Variants in ERC1 observed in about 807,000 individuals in gnomAD.
ERC1 encodes the protein RAB6 interacting protein 2.
Under a neutral mutation model 132.0 loss-of-function variants are expected in ERC1, and 56 were observed. The ratio of observed to expected loss-of-function variants is 0.42; its 90% confidence interval spans 0.34 to 0.53. The LOEUF (loss-of-function observed/expected upper bound fraction) is 0.53, where lower values mean the gene tolerates loss of function less well. ERC1 is among the 20% of genes least tolerant of loss of function. The probability of loss-of-function intolerance (pLI) is 0.03; values close to 1 mark genes in which losing one functional copy is unlikely to be tolerated. For missense variants in ERC1, 1,202 were observed against 1,349.9 expected (o/e 0.89, Z 1.72); for synonymous variants, 478 against 476.1 (o/e 1.00, Z -0.05).
chr12:1,427,217 C>T (rs1447102079), intron 17 of ERC1, among the ~76,000 whole-genome samples: 1 of 152,180 alleles, frequency 6.6e-6, no homozygotes, highest in African/African-American at 2.4e-5. Context: ...AATGTGTGCT[C>T]TCTACCTGGC....
At chr12:1,096,576 A>G (rs1017157096) in intron 3 of ERC1, among the ~76,000 whole-genome samples, 1 of 152,204 alleles carries the variant, frequency 6.6e-6, no homozygotes, top group Non-Finnish European at 1.5e-5. Flanking sequence ...ACATGGACAA[A>G]CTAGGCTGGG....
At chr12:1,003,117 CT>C (rs761836059) in intron 1 of ERC1, among the ~76,000 whole-genome samples, 6,359 of 81,262 alleles carry the variant, frequency 0.078, 280 homozygotes, top group Admixed American at 0.19. Flanking sequence ...AAAAAAAAGA[CT>C]CAAAAAAAAA....
chr12:1,486,069 A>G (rs1318978628), intron 18 of ERC1, among the ~76,000 whole-genome samples: 2 of 152,236 alleles, frequency 1.3e-5, no homozygotes, highest in East Asian at 1.9e-4. Context: ...ATTTAATGGT[A>G]TCAACCCAAC....
At chr12:1,410,088 G>A (rs1233465362) in intron 17 of ERC1, among the ~76,000 whole-genome samples, 3 of 151,834 alleles carry the variant, frequency 2.0e-5, no homozygotes, top group African/African-American at 7.3e-5. Flanking sequence ...TTGTTATACT[G>A]TATTTTTAAA....
At chr12:1,020,228 AGATG>A (rs1359583982) in intron 1 of ERC1, among the ~76,000 whole-genome samples, 4 of 152,206 alleles carry the variant, frequency 2.6e-5, no homozygotes, top group Non-Finnish European at 4.4e-5. Flanking sequence ...AGACCAAGGC[AGATG>A]GATCGCCTGA....
At chr12:1,168,164 A>G (rs1952632445) in intron 8 of ERC1, among the ~76,000 whole-genome samples, 1 of 152,138 alleles carries the variant, frequency 6.6e-6, no homozygotes, top group South Asian at 2.1e-4. Context: ...TCTGTCACCC[A>G]GGCTGCCGTG....
At chr12:1,434,468 C>T (rs1192518810) in intron 17 of ERC1, among the ~76,000 whole-genome samples, 1 of 152,178 alleles carries the variant, frequency 6.6e-6, no homozygotes, top group South Asian at 2.1e-4. Flanking sequence ...ACCATGTACC[C>T]CTTGGAACTT....
chr12:1,164,578 G>A (rs553254746), intron 8 of ERC1, among the ~76,000 whole-genome samples: 5 of 152,178 alleles, frequency 3.3e-5, no homozygotes, highest in African/African-American at 1.2e-4. Context: ...CTGACCTCGT[G>A]ATCCGCCCAC....
rs985352408 is a variant in ERC1 at position 1,329,069 on chromosome 12, A to G, written c.2780+39057A>G. Among the ~76,000 whole-genome samples the G allele has an allele frequency of 3.0e-4, 44 of 145,920 alleles. 2 individuals are homozygous for G. Among genetic ancestry groups the G allele is most frequent in the Non-Finnish European group, 5.4e-4 (36 of 66,772 alleles). ...AGCACTTTGGGAGGCTGAGGCGGGC[A>G]GATCACTTGAGGTCAGGATTTTGAG... On this transcript the variant is annotated intron_variant, in intron 15 of 18. Transcript: ENST00000360905.
At chr12:1,463,412 C>G (rs567122343) in intron 18 of ERC1, among the ~76,000 whole-genome samples, 3 of 152,224 alleles carry the variant, frequency 2.0e-5, no homozygotes, top group African/African-American at 7.2e-5. Flanking sequence ...GAGAAAAGAA[C>G]AAAGAAAGAA....
chr12:1,168,497 T>TTTTG (rs1555282615), intron 8 of ERC1, among the ~76,000 whole-genome samples: 8 of 142,174 alleles, frequency 5.6e-5, no homozygotes, highest in Non-Finnish European at 9.2e-5. Context: ...TTTTTTTTTT[T>TTTTG]TTTGGAGGAG....
intron 16 of ERC1, among the ~76,000 whole-genome samples, chr12:1,396,227 ATATC>A (rs1184169784): frequency 2.6e-5 from 4 of 152,236 alleles, no homozygotes; most frequent in Admixed American, 6.5e-5. Flanking sequence ...TGGTAACTAT[ATATC>A]TATTTTTGTT....
At chr12:1,399,440 T>C (rs1485136918) in intron 16 of ERC1, among the ~76,000 whole-genome samples, 4 of 152,184 alleles carry the variant, frequency 2.6e-5, no homozygotes, top group African/African-American at 9.7e-5. Flanking sequence ...TTTTTTAAAG[T>C]ATCTTTTTCT....
At chr12:1,185,787 A>T (rs1288597420) in intron 11 of ERC1, among the ~76,000 whole-genome samples, 2 of 151,160 alleles carry the variant, frequency 1.3e-5, no homozygotes, top group Admixed American at 6.6e-5. Context: ...AGGCTTCTCT[A>T]AGACCAAAAT....
rs912565573 is a variant in ERC1 at position 1,043,225 on chromosome 12, A to T, written c.669+14653A>T. Among the ~76,000 whole-genome samples the T allele has an allele frequency of 2.6e-5, 4 of 151,668 alleles. No homozygotes were observed. In the East Asian group the frequency reaches 7.7e-4, roughly 29 times the overall value. On this transcript the variant is annotated intron_variant, in intron 2 of 18. Transcript: ENST00000360905. ...CGCCTGGCTAATTTTTGTATTTTTT[A>T]GTAGAGACAGGGTTTCACCATATTG...
chr12:1,377,947 T>C (rs948175327), intron 16 of ERC1, among the ~76,000 whole-genome samples: 13 of 152,212 alleles, frequency 8.5e-5, no homozygotes, highest in Non-Finnish European at 1.9e-4. Context: ...GTTTCAGCTT[T>C]CAGTTTTGGT....
intron 18 of ERC1, among the ~76,000 whole-genome samples, chr12:1,485,201 C>CT (rs71441650): frequency 0.019 from 1,811 of 96,350 alleles, 64 homozygotes; most frequent in African/African-American, 0.032. Context: ...GTTTATATTT[C>CT]TTTTTTTTTT....
chr12:1,481,502 C>A (rs77754622), intron 18 of ERC1, among the ~76,000 whole-genome samples: 2,698 of 152,250 alleles, frequency 0.018, 87 homozygotes, highest in African/African-American at 0.061. Context: ...TCTTTCAAGC[C>A]AAGAAAAAAT....
At chr12:1,315,896 CATT>C (rs367562044) in intron 15 of ERC1, among the ~76,000 whole-genome samples, 5,244 of 151,442 alleles carry the variant, frequency 0.035, 95 homozygotes, top group Middle Eastern at 0.075. Flanking sequence ...AAATGGTAAA[CATT>C]TTTTTTTTTT....
Sources: gnomAD v4.1 joint callset for allele counts (sites outside exome capture counted in the v4.1 genomes callset) on GRCh38, gnomAD v4.1.1 for gene constraint, MANE v1.5 for transcripts, NCBI Gene and HGNC (gene_info 2026-07-23, HGNC 2026-07-21) for gene names.